The following LMNB1 variants were observed in gnomAD, a reference collection of about 807,000 sequenced individuals.
The protein encoded by LMNB1 is lamin-B1.
Under a neutral mutation model 67.1 loss-of-function variants are expected in LMNB1, and 23 were observed. The observed-to-expected ratio is 0.34, with a 90% CI of 0.25 to 0.49. The LOEUF (loss-of-function observed/expected upper bound fraction) is 0.49. Ranked by LOEUF, LMNB1 falls within the 20% of genes least tolerant of loss-of-function variation. The pLI, the probability that LMNB1 is intolerant of heterozygous loss-of-function variation, is 0.99. For missense variants in LMNB1, 634 were observed against 746.5 expected, an observed-to-expected ratio of 0.85 and a Z score of 1.76; for synonymous variants, 281 against 282.9, an observed-to-expected ratio of 0.99 and a Z score of 0.07.
intron 1 of LMNB1, among the ~76,000 whole-genome samples, chr5:126,778,471 G>A (rs1446644076): frequency 1.3e-5 from 2 of 152,240 alleles, no homozygotes; most frequent in African/African-American, 2.4e-5. Flanking sequence ...GTTTTGCGAA[G>A]ATTCTACGCC....
chr5:126,784,897 C>G (rs925159046), intron 1 of LMNB1, among the ~76,000 whole-genome samples: 4 of 151,500 alleles, frequency 2.6e-5, no homozygotes, highest in Admixed American at 2.6e-4. Flanking sequence ...CTCCTGACCT[C>G]GTGATCCGCC....
chr5:126,784,574 C>T (rs1242619345), intron 1 of LMNB1, among the ~76,000 whole-genome samples: 1 of 148,734 alleles, frequency 6.7e-6, no homozygotes, highest in Non-Finnish European at 1.5e-5. Context: ...CCAGGCTGGT[C>T]TTGAGCTCCT....
chr5:126,787,803 G>A (rs952284090), intron 1 of LMNB1, among the ~76,000 whole-genome samples: 2 of 151,452 alleles, frequency 1.3e-5, no homozygotes, highest in African/African-American at 2.4e-5. Context: ...CACCCACCTC[G>A]GCCTCCCAAA....
intron 4 of LMNB1, among the ~76,000 whole-genome samples, chr5:126,811,375 G>C (rs1057170988): frequency 1.3e-5 from 2 of 152,164 alleles, no homozygotes; most frequent in Admixed American, 6.5e-5. Context: ...TTTTCTGCTT[G>C]TTGGTTTACA....
chr5:126,819,705 C>T (rs980708801), intron 6 of LMNB1, among the ~76,000 whole-genome samples: 1 of 151,768 alleles, frequency 6.6e-6, no homozygotes, highest in Non-Finnish European at 1.5e-5. Context: ...CCAGGCTGGT[C>T]TCAAACTCCT....
At chr5:126,786,533 A>T (rs186356527) in intron 1 of LMNB1, among the ~76,000 whole-genome samples, 30 of 152,284 alleles carry the variant, frequency 2.0e-4, no homozygotes, top group African/African-American at 6.5e-4. Context: ...GCTAGAAAGG[A>T]TGGTAGCCTG....
At chr5:126,789,150 GTGT>G (rs1426889115) in intron 1 of LMNB1, among the ~76,000 whole-genome samples, 2 of 152,066 alleles carry the variant, frequency 1.3e-5, no homozygotes. Context: ...GCCTCTCAAA[GTGT>G]TGGGATTACA....
intron 1 of LMNB1, among the ~76,000 whole-genome samples, chr5:126,798,990 C>G (rs1411509263): frequency 2.0e-5 from 3 of 150,404 alleles, no homozygotes; most frequent in Non-Finnish European, 4.4e-5. Flanking sequence ...CAGTTCTTCT[C>G]TCTTTATTAG....
intron 1 of LMNB1, among the ~76,000 whole-genome samples, chr5:126,803,925 T>C (rs1751350471): frequency 6.6e-6 from 1 of 152,208 alleles, no homozygotes; most frequent in South Asian, 2.1e-4. Context: ...GAGGCCGTTA[T>C]TTATTGTTAC....
chr5:126,825,199 C>T (rs1018620281), intron 8 of LMNB1, among the ~76,000 whole-genome samples: 2 of 152,148 alleles, frequency 1.3e-5, no homozygotes, highest in African/African-American at 4.8e-5. Flanking sequence ...GAATTCAAAC[C>T]TAGGCTTTCT....
chr5:126,789,569 C>G (rs575032283), intron 1 of LMNB1, among the ~76,000 whole-genome samples: 69 of 152,300 alleles, frequency 4.5e-4, no homozygotes, highest in African/African-American at 1.6e-3. Flanking sequence ...CCAGCTTCAT[C>G]TCATACCACA....
At position 126,804,285 on chromosome 5, in the gene LMNB1, C is replaced by T. The variant is rs1313474748; in HGVS notation, c.360-491C>T. Among the ~76,000 whole-genome samples, 3 of 134,882 alleles carry T rather than the reference C, an allele frequency of 2.2e-5. No homozygotes were observed. The East Asian group carries it at 6.5e-4, about 29-fold the overall frequency. The allele number at this position is 134,882 out of a possible 152,430, so 88.5% of individuals were successfully genotyped here. A position where few individuals can be genotyped will look rare whatever the true frequency, so the allele number is the denominator to read the frequency against. On this transcript the variant is annotated intron_variant, in intron 1 of 10. Coordinates refer to ENST00000261366, the MANE Select transcript of LMNB1 (RefSeq NM_005573.4). ...TAGATTTGGGGTCTTGCTATGTTGC[C>T]TAGGTTGGTCTTGAATTCCTGGTCT...
chr5:126,805,166 C>T (rs1018701968), intron 2 of LMNB1, among the ~76,000 whole-genome samples: 2 of 152,132 alleles, frequency 1.3e-5, no homozygotes, highest in Non-Finnish European at 2.9e-5. Flanking sequence ...CCTTCTTCTT[C>T]CCTATTGTGC....
chr5:126,821,805 G>T (rs114771070), intron 7 of LMNB1, among the ~76,000 whole-genome samples: 3 of 152,080 alleles, frequency 2.0e-5, no homozygotes, highest in African/African-American at 7.2e-5. Flanking sequence ...GTCTGGGAGC[G>T]TGCAGGCGGC....
Position 126,836,753 on chromosome 5 carries a change from T to C in LMNB1, c.*489T>C, listed in dbSNP as rs1375354187. ...ATTTTTTTGTAATAAGCAATCAAGGTTATAATTTTTTTTAAAATAGAAATT... is the reference window on the plus strand; with the variant it reads ...ATTTTTTTGTAATAAGCAATCAAGGCTATAATTTTTTTTAAAATAGAAATT... On this transcript the variant is annotated 3_prime_UTR_variant, in exon 11 of 11. Transcript: ENST00000261366. 2 of 394,820 alleles carry C rather than the reference T, an allele frequency of 5.1e-6. No individual in the cohort carries two copies. Among genetic ancestry groups the C allele is most frequent in the African/African-American group, 4.1e-5 (2 of 48,570 alleles). The allele number at this position is 394,820 out of a possible 1,614,324, so 24.5% of individuals were successfully genotyped here. A position where few individuals can be genotyped will look rare whatever the true frequency, so the allele number is the denominator to read the frequency against.
At chr5:126,830,878 C>T (rs889233866) in intron 9 of LMNB1, among the ~76,000 whole-genome samples, 3 of 152,146 alleles carry the variant, frequency 2.0e-5, no homozygotes, top group African/African-American at 2.4e-5. Flanking sequence ...ATAGCTTGAA[C>T]GGTGGTTGAT....
rs150263894 is a variant in LMNB1, at chr5:126,806,923, G to A, written c.642+1227G>A. On this transcript the variant is annotated intron_variant, in intron 3 of 10. Transcript: ENST00000261366. ...CCCCCTAGTAGCTGGGACTACAGGC[G>A]CATGCACCCACGCCCTGCTAATTTT... Among the ~76,000 whole-genome samples, 182 of 152,098 alleles carry A rather than the reference G, an allele frequency of 1.2e-3. 1 individual carries two copies. The East Asian group carries it at 0.02, about 17-fold the overall frequency.
chr5:126,812,363 C>T (rs774252312), intron 5 of LMNB1, among the ~76,000 whole-genome samples: 8 of 152,202 alleles, frequency 5.3e-5, no homozygotes, highest in African/African-American at 1.9e-4. Flanking sequence ...CAATTAGGAT[C>T]CAGGAAAGTA....
At chr5:126,829,561 T>C (rs779549120) in intron 9 of LMNB1, among the ~76,000 whole-genome samples, 1 of 151,634 alleles carries the variant, frequency 6.6e-6, no homozygotes, top group Non-Finnish European at 1.5e-5. Flanking sequence ...CTGACAGAAC[T>C]CTCTCAGAAC....
Sources: gnomAD v4.1 joint callset for allele counts (sites outside exome capture counted in the v4.1 genomes callset) on GRCh38, gnomAD v4.1.1 for gene constraint, MANE v1.5 for transcripts, NCBI Gene and HGNC (gene_info 2026-07-23, HGNC 2026-07-21) for gene names.